Variants in ZNF69 observed in about 807,000 individuals in gnomAD.
ZNF69 encodes zinc finger protein 69.
ZNF69 carries 47 observed loss-of-function variants against 50.9 expected under a neutral mutation model. The observed-to-expected ratio is 0.92, with a 90% CI of 0.73 to 1.18. The LOEUF is 1.18. Ranked by LOEUF, ZNF69 falls within the 50% of genes most tolerant of loss-of-function variation. The pLI, the probability that ZNF69 is intolerant of heterozygous loss-of-function variation, is 0.00. For missense variants in ZNF69, 717 were observed against 675.1 expected (o/e 1.06, Z -0.69); for synonymous variants, 216 against 223.1 (o/e 0.97, Z 0.29).
At chr19:11,974,790 A>C in the ZNF69 span, among the ~76,000 whole-genome samples, 5 of 152,088 alleles carry the variant, frequency 3.3e-5, no homozygotes, top group Non-Finnish European at 7.4e-5. Context: ...TTTAGTAGAA[A>C]TGGAGTTACA....
the ZNF69 span, among the ~76,000 whole-genome samples, chr19:11,936,993 GT>G: frequency 1.3e-5 from 2 of 152,166 alleles, no homozygotes; most frequent in African/African-American, 4.8e-5. Context: ...AGATCAGATG[GT>G]TGTATATGTG....
At chr19:11,956,728 A>G in the ZNF69 span, 1 of 387,856 alleles carries the variant, frequency 2.6e-6, no homozygotes. Context: ...TAGGGGCTCA[A>G]GCCTGTAATC....
the ZNF69 span, among the ~76,000 whole-genome samples, chr19:11,975,681 C>T: frequency 1.1e-4 from 17 of 152,284 alleles, no homozygotes; most frequent in Non-Finnish European, 2.5e-4. Context: ...CGCACCCCGG[C>T]CTTTAAGATG....
At chr19:11,891,099 G>C (rs773486853) in intron 1 of ZNF69, among the ~76,000 whole-genome samples, 1 of 152,076 alleles carries the variant, frequency 6.6e-6, no homozygotes, top group Non-Finnish European at 1.5e-5. Context: ...AATTCAAGAC[G>C]AGTCACAAAG....
chr19:11,949,840 A>T, the ZNF69 span: 10 of 1,601,592 alleles, frequency 6.2e-6, no homozygotes, highest in East Asian at 1.8e-4. Context: ...TTGTGCCTCA[A>T]ACCTTCGAAA....
chr19:11,913,374 C>A, intron 4 of ZNF69: 1 of 596,754 alleles, frequency 1.7e-6, no homozygotes, highest in South Asian at 2.0e-5. Context: ...ATTTTTATCT[C>A]AACCCTAATT....
chr19:11,974,135 T>TTTCTTTCTTTCC, the ZNF69 span, among the ~76,000 whole-genome samples: 3 of 102,580 alleles, frequency 2.9e-5, no homozygotes, highest in Non-Finnish European at 5.2e-5. Context: ...CTTTTCTTTC[T>TTTCTTTCTTTCC]TTCTTTCTTT....
At chr19:11,924,308 T>C in the ZNF69 span, among the ~76,000 whole-genome samples, 2 of 151,644 alleles carry the variant, frequency 1.3e-5, no homozygotes, top group African/African-American at 4.8e-5. Context: ...GGCGGGCGCC[T>C]TTAATCCCAG....
chr19:11,949,896 A>G, the ZNF69 span: 8 of 1,614,050 alleles, frequency 5.0e-6, no homozygotes, highest in Middle Eastern at 1.6e-4. Flanking sequence ...AGTGTAAGCA[A>G]TGTGGGAAAG....
At chr19:11,923,821 G>A in the ZNF69 span, among the ~76,000 whole-genome samples, 1 of 152,182 alleles carries the variant, frequency 6.6e-6, no homozygotes, top group African/African-American at 2.4e-5. Flanking sequence ...ACCTGCAGGG[G>A]GCAGCAGAGC....
chr19:11,949,605 A>G, the ZNF69 span: 16 of 1,612,884 alleles, frequency 9.9e-6, no homozygotes, highest in Admixed American at 1.7e-5. Context: ...AAACACATGA[A>G]AAAACTCACA....
Position 11,895,962 on chromosome 19 carries a change from G to T in ZNF69, c.64-7611G>T, listed in dbSNP as rs1473955161. 1.2e-4 allele frequency among the ~76,000 whole-genome samples: 18 copies of T among 152,272 alleles called. No individual in the cohort carries two copies. In the East Asian group the frequency reaches 2.5e-3, roughly 21 times the overall value. ...AGACTGGGCATGGTGGCTGACGCCTGTAATCCCAGCACTTTGGGAGGCTGA... is the reference window on the plus strand; with the variant it reads ...AGACTGGGCATGGTGGCTGACGCCTTTAATCCCAGCACTTTGGGAGGCTGA... On this transcript the variant is annotated intron_variant, in intron 1 of 3. Coordinates refer to ENST00000429654, the MANE Select transcript of ZNF69 (RefSeq NM_001364730.1).
the ZNF69 span, among the ~76,000 whole-genome samples, chr19:11,964,640 G>A: frequency 6.6e-6 from 1 of 152,096 alleles, no homozygotes; most frequent in Non-Finnish European, 1.5e-5. Flanking sequence ...CTCTCCTGAT[G>A]CAGTCGTGCC....
the ZNF69 span, among the ~76,000 whole-genome samples, chr19:11,937,511 C>CT: frequency 1.5e-5 from 2 of 135,786 alleles, no homozygotes; most frequent in Admixed American, 7.7e-5. Flanking sequence ...TTTTTTGAGA[C>CT]AGAGTCTCGC....
chr19:11,959,039 C>T, the ZNF69 span, among the ~76,000 whole-genome samples: 2 of 152,266 alleles, frequency 1.3e-5, no homozygotes, highest in South Asian at 2.1e-4. Context: ...CATGACACCA[C>T]ACCTTGCTCA....
Position 11,905,548 on chromosome 19 carries a change from G to C in ZNF69, c.1151G>C (p.Gly384Ala), listed in dbSNP as rs1158445127. The change falls in exon 4 of 4, where the codon GGA becomes GCA. Residue 384 changes from glycine to alanine, a missense_variant. By Grantham distance (60) the Gly-to-Ala change is moderately conservative. Coordinates refer to ENST00000429654, the MANE Select transcript of ZNF69 (RefSeq NM_001364730.1). ...CAAAGACATGAAAAAACTCACAGTG[G>C]AGAGAAACCCTATAAATGCAAGCAA... is the stretch of plus-strand genomic sequence containing the variant. Reference protein sequence around the residue: ...SFQRHEKTHSGEKPYKCKQCG... With the variant: ...SFQRHEKTHSAEKPYKCKQCG... 1 of 1,613,796 alleles carries C rather than the reference G, an allele frequency of 6.2e-7. No homozygotes were observed. Among genetic ancestry groups the C allele is most frequent in the African/African-American group, 1.3e-5 (1 of 74,836 alleles).
Position 11,905,643 on chromosome 19 carries a change from T to C in ZNF69, c.1246T>C (p.Tyr416His), listed in dbSNP as rs1246783447. The C allele has an allele frequency of 1.9e-6, 3 of 1,613,912 alleles. No individual in the cohort carries two copies. The Admixed American group carries it at 5.0e-5, about 27-fold the overall frequency. Residue 416 changes from tyrosine to histidine, a missense_variant, in exon 4 of 4, where the codon TAT becomes CAT. Physicochemically the swap from Tyr to His is moderately conservative, Grantham distance 83. Coordinates refer to ENST00000429654, the MANE Select transcript of ZNF69 (RefSeq NM_001364730.1). ...AAGGATTCACACTGGAGAGAAACCC[T>C]ATGAGTGTAAGCAATGTGGGAAGGC... The part of the protein sequence containing the change: ...HERIHTGEKP[Y>H]ECKQCGKAFR...
chr19:11,891,374 TAAA>T (rs35353560), intron 1 of ZNF69, among the ~76,000 whole-genome samples: 10 of 126,960 alleles, frequency 7.9e-5, no homozygotes, highest in Non-Finnish European at 9.9e-5. Context: ...CTGTCTGTAT[TAAA>T]AAAAAAAAAA....
the ZNF69 span, among the ~76,000 whole-genome samples, chr19:11,956,938 G>A: frequency 1.3e-5 from 2 of 152,062 alleles, no homozygotes; most frequent in Non-Finnish European, 2.9e-5. Context: ...TGGGAGGAGC[G>A]CTTTATACTG....
Sources: allele counts gnomAD v4.1 joint callset (sites outside exome capture counted in the v4.1 genomes callset), GRCh38; gene constraint gnomAD v4.1.1; transcripts MANE v1.5; gene names NCBI Gene and HGNC (gene_info 2026-07-23, HGNC 2026-07-21).